The following APBB2 variants were observed in gnomAD, a reference collection of about 807,000 sequenced individuals.
The protein encoded by APBB2 is amyloid beta precursor protein binding family B member 2, also known as Fe65-like 1.
APBB2 carries 38 observed loss-of-function variants against 82.5 expected under a neutral mutation model. The ratio of observed to expected loss-of-function variants is 0.46; its 90% CI spans 0.36 to 0.60. The LOEUF (loss-of-function observed/expected upper bound fraction) is 0.60. Among genes scored for constraint, APBB2 ranks in the 20% least tolerant of loss-of-function variants. The probability of loss-of-function intolerance (pLI) is 0.00; values close to 1 mark genes in which losing one functional copy is unlikely to be tolerated. For synonymous variants in APBB2, 341 were observed against 368.2 expected (o/e 0.93, Z 0.85); for missense variants, 772 against 972.3 (o/e 0.79, Z 2.74).
intron 2 of APBB2, among the ~76,000 whole-genome samples, chr4:41,126,471 T>C (rs982932388): frequency 2.6e-5 from 4 of 152,130 alleles, no homozygotes; most frequent in African/African-American, 9.7e-5. Flanking sequence ...CTGGCGACCC[T>C]GTGAGCATTC....
intron 10 of APBB2, among the ~76,000 whole-genome samples, chr4:40,905,539 TG>T (rs1248710016): frequency 6.6e-6 from 1 of 152,216 alleles, no homozygotes; most frequent in Non-Finnish European, 1.5e-5. Context: ...TGTTCTCCCC[TG>T]GGCCATTCCC....
intron 5 of APBB2, among the ~76,000 whole-genome samples, chr4:41,030,285 G>A (rs1200381446): frequency 6.6e-6 from 1 of 152,182 alleles, no homozygotes; most frequent in African/African-American, 2.4e-5. Flanking sequence ...AGATGTGATG[G>A]TCAGTTATTT....
chr4:41,021,431 C>G (rs1340168416), intron 5 of APBB2, among the ~76,000 whole-genome samples: 1 of 152,100 alleles, frequency 6.6e-6, no homozygotes, highest in Non-Finnish European at 1.5e-5. Context: ...TGTAAATGCA[C>G]CAATCAGCAC....
At chr4:41,206,553 A>G (rs1248776255) in intron 1 of APBB2, among the ~76,000 whole-genome samples, 1 of 152,346 alleles carries the variant, frequency 6.6e-6, no homozygotes, top group East Asian at 1.9e-4. Flanking sequence ...CTTGGAGAGG[A>G]CAAGAGGTTC....
At chr4:41,091,310 A>G (rs1403742419) in intron 3 of APBB2, among the ~76,000 whole-genome samples, 2 of 152,002 alleles carry the variant, frequency 1.3e-5, no homozygotes, top group African/African-American at 2.4e-5. Context: ...TTTTGCTCCA[A>G]CCTCCACTTC....
chr4:41,159,907 A>AAGGAGAAGGAGGAGGAGGAGGAGGAGG (rs1267899128), intron 1 of APBB2, among the ~76,000 whole-genome samples: 1 of 35,620 alleles, frequency 2.8e-5, no homozygotes, highest in Admixed American at 3.4e-4. Context: ...GAAGAAGGAG[A>AAGGAGAAGGAGGAGGAGGAGGAGGAGG]AGGAGGAGGA....
At chr4:40,900,432 G>A (rs1045336154) in intron 10 of APBB2, among the ~76,000 whole-genome samples, 1 of 150,918 alleles carries the variant, frequency 6.6e-6, no homozygotes, top group Admixed American at 6.7e-5. Flanking sequence ...CACAAACATG[G>A]GTTGGGAGCT....
chr4:40,950,532 G>A (rs938663125), intron 6 of APBB2, among the ~76,000 whole-genome samples: 1 of 152,136 alleles, frequency 6.6e-6, no homozygotes, highest in African/African-American at 2.4e-5. Context: ...GGTAACACAG[G>A]GAGATGCATG....
chr4:41,192,896 A>G (rs916358313), intron 1 of APBB2, among the ~76,000 whole-genome samples: 1 of 152,162 alleles, frequency 6.6e-6, no homozygotes, highest in African/African-American at 2.4e-5. Flanking sequence ...CTTATAAATG[A>G]TTTTTTTAAA....
At chr4:41,200,137 C>T (rs964475000) in intron 1 of APBB2, among the ~76,000 whole-genome samples, 1 of 152,214 alleles carries the variant, frequency 6.6e-6, no homozygotes, top group Non-Finnish European at 1.5e-5. Context: ...AAAAGCACCA[C>T]GTAAGTTCCT....
intron 1 of APBB2, among the ~76,000 whole-genome samples, chr4:41,185,100 G>A: frequency 6.6e-6 from 1 of 152,200 alleles, no homozygotes; most frequent in Non-Finnish European, 1.5e-5. Context: ...CACCTCGCAG[G>A]AAAGGAGAAA....
intron 10 of APBB2, among the ~76,000 whole-genome samples, chr4:40,926,565 C>T (rs541026958): frequency 2.4e-4 from 37 of 152,316 alleles, no homozygotes; most frequent in Middle Eastern, 3.4e-3. Flanking sequence ...AATTCTCCTG[C>T]CTCAGCCTCC....
At chr4:40,849,725 CTTTTT>C (rs758207803) in intron 12 of APBB2, among the ~76,000 whole-genome samples, 5 of 123,244 alleles carry the variant, frequency 4.1e-5, no homozygotes, top group South Asian at 2.6e-4. Flanking sequence ...ACTAAAGTTA[CTTTTT>C]TTTTTTTTTT....
intron 11 of APBB2, among the ~76,000 whole-genome samples, chr4:40,891,566 G>A (rs1467139123): frequency 6.6e-6 from 1 of 152,222 alleles, no homozygotes; most frequent in African/African-American, 2.4e-5. Context: ...TTCTCAGAGT[G>A]AAATACAGCT....
chr4:41,193,456 C>A, intron 1 of APBB2: 1 of 389,074 alleles, frequency 2.6e-6, no homozygotes, highest in Non-Finnish European at 3.5e-6. Flanking sequence ...GGTGACAAAG[C>A]TAGGATATGC....
intron 12 of APBB2, among the ~76,000 whole-genome samples, chr4:40,835,319 C>G (rs1753532565): frequency 6.6e-6 from 1 of 151,848 alleles, no homozygotes; most frequent in African/African-American, 2.4e-5. Flanking sequence ...CAAGCACCTT[C>G]TAGCTGATAT....
intron 10 of APBB2, among the ~76,000 whole-genome samples, chr4:40,927,502 G>A (rs759605947): frequency 1.3e-4 from 19 of 151,976 alleles, no homozygotes; most frequent in Non-Finnish European, 2.4e-4. Context: ...TTTTTTTAGA[G>A]ACAGGGTCTC....
chr4:40,857,426 C>A (rs1356599078), intron 12 of APBB2, among the ~76,000 whole-genome samples: 1 of 152,196 alleles, frequency 6.6e-6, no homozygotes, highest in Non-Finnish European at 1.5e-5. Context: ...ACCCACTGAA[C>A]CTCTTTAGAA....
chr4:40,924,316 A>G (rs1354676704), intron 10 of APBB2, among the ~76,000 whole-genome samples: 1 of 152,176 alleles, frequency 6.6e-6, no homozygotes, highest in African/African-American at 2.4e-5. Context: ...CTAATTTTGA[A>G]TGACTGAAAT....
Sources: allele counts gnomAD v4.1 joint callset (sites outside exome capture counted in the v4.1 genomes callset), GRCh38; gene constraint gnomAD v4.1.1; transcripts MANE v1.5; gene names NCBI Gene and HGNC (gene_info 2026-07-23, HGNC 2026-07-21).